Variants in TBC1D12 observed in about 807,000 individuals in gnomAD.
TBC1D12 encodes TBC1 domain family, member 12.
TBC1D12 carries 56 observed loss-of-function variants against 86.7 expected under a neutral mutation model. The ratio of observed to expected loss-of-function variants is 0.65; its 90% confidence interval spans 0.52 to 0.81. TBC1D12 has a LOEUF of 0.81. Ranked by LOEUF, TBC1D12 falls within the 30% of genes least tolerant of loss-of-function variation. The pLI is 0.00. For synonymous variants in TBC1D12, 421 were observed against 411.7 expected (o/e 1.02, Z -0.27); for missense variants, 1,023 against 1,038.8 (o/e 0.98, Z 0.21).
rs764577628 is a variant in TBC1D12 at position 94,402,610 on chromosome 10, C to G, written c.-4C>G. Reference sequence around the variant, plus strand: ...CTCCTGGGGCGGCCGCCACCCACCCCCAGATGGTGGGTCCGGAGGATGCCG... The same window carrying G: ...CTCCTGGGGCGGCCGCCACCCACCCGCAGATGGTGGGTCCGGAGGATGCCG... On this transcript the variant is annotated 5_prime_UTR_variant, in exon 1 of 13. Coordinates refer to ENST00000225235, the MANE Select transcript of TBC1D12 (RefSeq NM_015188.2). 3 of 1,611,374 alleles carry G rather than the reference C, an allele frequency of 1.9e-6. No homozygotes were observed. The highest frequency in any genetic ancestry group is 2.5e-6 in the Non-Finnish European group (3 of 1,179,340).
chr10:94,500,159 T>C (rs1424291034), intron 5 of TBC1D12, 62 bp from the exon 6 acceptor site: 122 of 1,438,120 alleles, frequency 8.5e-5, no homozygotes, highest in Admixed American at 1.9e-4. Context: ...TAATCCATCA[T>C]GCAACTAGTA....
chr10:94,443,331 C>G (rs1252355991), intron 2 of TBC1D12, among the ~76,000 whole-genome samples: 2 of 152,064 alleles, frequency 1.3e-5, no homozygotes, highest in Non-Finnish European at 2.9e-5. Context: ...TTTCAAGAGA[C>G]TTGGTATTGC....
At chr10:94,482,109 T>C (rs1353140830) in intron 3 of TBC1D12, among the ~76,000 whole-genome samples, 1 of 152,216 alleles carries the variant, frequency 6.6e-6, no homozygotes, top group Non-Finnish European at 1.5e-5. Flanking sequence ...CACCCAGGAA[T>C]TAAGCCCAGT....
rs1436357451 is a variant in TBC1D12, at chr10:94,531,334, C to A, written c.2133C>A (p.Leu711=). The change falls in exon 12 of 13, where the codon CTC becomes CTA. Residue 711 remains leucine, a synonymous_variant. Coordinates refer to ENST00000225235, the MANE Select transcript of TBC1D12 (RefSeq NM_015188.2). ...LGILRLYEDI[L]LQMDFIHIAQ... is the part of the protein sequence containing the mutation. Reference sequence around the variant, plus strand: ...TCCTCCGATTATATGAAGATATTCTCCTGCAGATGGACTTTATTCATATAG... The same window carrying A: ...TCCTCCGATTATATGAAGATATTCTACTGCAGATGGACTTTATTCATATAG... The A allele has an allele frequency of 1.2e-6, 2 of 1,614,120 alleles. No individual in the cohort carries two copies. The highest frequency in any genetic ancestry group is 1.7e-6 in the Non-Finnish European group (2 of 1,180,024).
intron 6 of TBC1D12, among the ~76,000 whole-genome samples, chr10:94,500,846 A>G (rs1474249697): frequency 6.6e-6 from 1 of 152,030 alleles, no homozygotes; most frequent in Non-Finnish European, 1.5e-5. Context: ...ACCTGAAGTC[A>G]GGAGTTCAAG....
At chr10:94,454,323 T>C (rs1474335720) in intron 2 of TBC1D12, among the ~76,000 whole-genome samples, 1 of 152,208 alleles carries the variant, frequency 6.6e-6, no homozygotes, top group African/African-American at 2.4e-5. Context: ...GCGATTCTCC[T>C]GCCTCAGCCT....
At chr10:94,469,647 A>G (rs1045764466) in intron 2 of TBC1D12, among the ~76,000 whole-genome samples, 1 of 151,970 alleles carries the variant, frequency 6.6e-6, no homozygotes, top group African/African-American at 2.4e-5. Context: ...ACAGAGTTTC[A>G]GCATGCTGGC....
chr10:94,474,375 G>A (rs535820579), intron 2 of TBC1D12, among the ~76,000 whole-genome samples: 3 of 151,072 alleles, frequency 2.0e-5, no homozygotes, highest in South Asian at 4.2e-4. Context: ...TTTGTTTTTA[G>A]TAGAGGTGAG....
At chr10:94,423,803 A>G (rs984611272) in intron 1 of TBC1D12, among the ~76,000 whole-genome samples, 3 of 152,192 alleles carry the variant, frequency 2.0e-5, no homozygotes, top group Admixed American at 6.5e-5. Context: ...AACTACAAAA[A>G]TAGCCACTCT....
In TBC1D12 at chr10:94,403,052, C is replaced by T; in HGVS notation, c.439C>T (p.Arg147Cys). The change falls in exon 1 of 13, where the codon CGC (arginine) becomes TGC (cysteine). Residue 147 changes from arginine (R) to cysteine (C), a missense_variant. Arg to Cys is a radical substitution (Grantham distance 180, BLOSUM62 -3). This residue lies in a region of TBC1D12 where 628 missense variants were observed against 531.1 expected (regional missense o/e 1.18). Coordinates refer to ENST00000225235, the MANE Select transcript of TBC1D12 (RefSeq NM_015188.2). ...GGGTTTTCTGCCGGGCCGGGACTGT[C>T]GCGATCTGGAAGAGGCTCGCGGGCT... ...DSGFLPGRDC[R>C]DLEEARGLAR... 1 of 1,551,674 alleles carries T rather than the reference C, an allele frequency of 6.4e-7. No individual in the cohort carries two copies. Among genetic ancestry groups the T allele is most frequent in the Non-Finnish European group, 8.7e-7 (1 of 1,154,086 alleles).
At chr10:94,514,493 C>G (rs993155642) in intron 9 of TBC1D12, among the ~76,000 whole-genome samples, 1 of 152,188 alleles carries the variant, frequency 6.6e-6, no homozygotes. Flanking sequence ...TTTTAGATTA[C>G]ACATTTAAGT....
chr10:94,406,366 A>G (rs372035584), intron 1 of TBC1D12, among the ~76,000 whole-genome samples: 2 of 152,284 alleles, frequency 1.3e-5, no homozygotes, highest in East Asian at 3.9e-4. Context: ...ATTTTTCCTG[A>G]TAGAGGTCTG....
chr10:94,522,374 T>C lies in TBC1D12; in HGVS notation c.1921T>C (p.Phe641Leu). 6.9e-7 allele frequency: 1 copy of C among 1,459,522 alleles called. No homozygotes were observed. 90.4% of individuals were successfully genotyped at this position (1,459,522 alleles called of 1,614,324 possible). ...MLKYFATFEV[F>L]FEENLSKLFL... ...GAAATATTTTGCAACATTTGAAGTATTCTTTGAAGAAAATCTTTCCAAATT... is the reference window on the plus strand; with the variant it reads ...GAAATATTTTGCAACATTTGAAGTACTCTTTGAAGAAAATCTTTCCAAATT... The change falls in exon 11 of 13, where the codon TTC (phenylalanine) becomes CTC (leucine). Residue 641 changes from phenylalanine (F) to leucine (L), a missense_variant. By Grantham distance (22) the Phe-to-Leu change is conservative. Transcript: ENST00000225235.
chr10:94,531,549 T>A, intron 12 of TBC1D12, 89 bp downstream of exon 12: 1 of 1,316,720 alleles, frequency 7.6e-7, no homozygotes, highest in Non-Finnish European at 9.9e-7. Flanking sequence ...AGTTAGTACT[T>A]AAAAATATGT....
chr10:94,419,875 T>C (rs1244495874), intron 1 of TBC1D12, among the ~76,000 whole-genome samples: 4 of 152,214 alleles, frequency 2.6e-5, no homozygotes, highest in Non-Finnish European at 4.4e-5. Flanking sequence ...GGTTTAGATA[T>C]GGCTTTTGGT....
At chr10:94,511,423 A>G (rs2056525312) in intron 8 of TBC1D12, among the ~76,000 whole-genome samples, 160 bp from the exon 9 acceptor site, 1 of 152,132 alleles carries the variant, frequency 6.6e-6, no homozygotes, top group Non-Finnish European at 1.5e-5. Context: ...TATTATTCAT[A>G]ATTTGGAAAA....
intron 2 of TBC1D12, among the ~76,000 whole-genome samples, chr10:94,451,951 T>C (rs562957711): frequency 6.1e-4 from 93 of 152,112 alleles, no homozygotes; most frequent in South Asian, 3.9e-3. Context: ...ATAAGTTAGT[T>C]TGTGGTTGTT....
At chr10:94,483,175 A>G (rs1398364907) in intron 3 of TBC1D12, among the ~76,000 whole-genome samples, 1 of 151,854 alleles carries the variant, frequency 6.6e-6, no homozygotes, top group African/African-American at 2.4e-5. Flanking sequence ...TGATGGACAC[A>G]GGTTGCTTCC....
At chr10:94,527,392 G>GC (rs1443360482) in intron 11 of TBC1D12, among the ~76,000 whole-genome samples, 4 of 140,644 alleles carry the variant, frequency 2.8e-5, no homozygotes, top group African/African-American at 1.0e-4. Context: ...CCTGGCGTTT[G>GC]TTTTTTTTTT....
Sources: gnomAD v4.1 joint callset for allele counts (sites outside exome capture counted in the v4.1 genomes callset) on GRCh38, gnomAD v4.1.1 for gene constraint, gnomAD v4.1.1 regional missense constraint, MANE v1.5 for transcripts, NCBI Gene and HGNC (gene_info 2026-07-23, HGNC 2026-07-21) for gene names.